SMYD2: variants seen among roughly 807,000 people sequenced by gnomAD.
The protein encoded by SMYD2 is N-lysine methyltransferase SMYD2.
Under a neutral mutation model 59.1 loss-of-function variants are expected in SMYD2, and 53 were observed. The ratio of observed to expected loss-of-function variants is 0.90; its 90% confidence interval spans 0.72 to 1.13. SMYD2 has a LOEUF of 1.13. Among genes scored for constraint, SMYD2 ranks in the 50% most tolerant of loss-of-function variants. SMYD2 has a pLI of 0.00. For missense variants in SMYD2, 494 were observed against 544.7 expected (o/e 0.91, Z 0.93); for synonymous variants, 208 against 198.8 (o/e 1.05, Z -0.39).
rs1278025571 is a variant in SMYD2, at chr1:214,312,927, G to A, written c.238-1835G>A. On this transcript the variant is annotated intron_variant, in intron 2 of 11. Coordinates refer to ENST00000366957, the MANE Select transcript of SMYD2 (RefSeq NM_020197.3). The surrounding 1 kb of genome is among the most constrained non-coding windows in gnomAD (Gnocchi z 4.1). ...AGTCCATGGGAGCAAGGACAGAAGCGGGCATCCAGTTAGAAGGCAGTGGCA... is the reference window on the plus strand; with the variant it reads ...AGTCCATGGGAGCAAGGACAGAAGCAGGCATCCAGTTAGAAGGCAGTGGCA... Among the ~76,000 whole-genome samples, 2 of 152,166 alleles carry A rather than the reference G, an allele frequency of 1.3e-5. No individual in the cohort carries two copies. The highest frequency in any genetic ancestry group is 4.8e-5 in the African/African-American group (2 of 41,438).
chr1:214,308,775 G>T (rs1656954839), intron 2 of SMYD2, among the ~76,000 whole-genome samples: 1 of 152,152 alleles, frequency 6.6e-6, no homozygotes. Flanking sequence ...AAGTGGTTGG[G>T]TGACCCAAGA....
In SMYD2 at chr1:214,281,360, T is replaced by G; in HGVS notation, c.106T>G (p.Cys36Gly). The change falls in exon 1 of 12, where the codon TGC becomes GGC. Residue 36 changes from cysteine to glycine, a missense_variant. Cys to Gly is a radical substitution (Grantham distance 159). Coordinates refer to ENST00000366957, the MANE Select transcript of SMYD2 (RefSeq NM_020197.3). ...CCAGGTGGGGGACTTGCTGTTCTCC[T>G]GCCCGGCCTATGCCTACGTGCTCAC... is the stretch of plus-strand genomic sequence containing the variant. ...PFQVGDLLFS[C>G]PAYAYVLTVN... 6.9e-7 allele frequency: 1 copy of G among 1,456,102 alleles called. No homozygotes were observed. The allele number at this position is 1,456,102 out of a possible 1,614,324, so 90.2% of individuals were successfully genotyped here.
chr1:214,307,087 C>T (rs1236114204), intron 2 of SMYD2, among the ~76,000 whole-genome samples: 1 of 152,212 alleles, frequency 6.6e-6, no homozygotes, highest in Non-Finnish European at 1.5e-5. Context: ...GCTGGAGAAT[C>T]TCTTGAACCT....
chr1:214,289,930 G>C, intron 1 of SMYD2, among the ~76,000 whole-genome samples: 1 of 152,216 alleles, frequency 6.6e-6, no homozygotes, highest in East Asian at 1.9e-4. Context: ...GGATTTCTAG[G>C]AAATCTGCAG....
At chr1:214,291,886 C>T (rs1656641305) in intron 1 of SMYD2, among the ~76,000 whole-genome samples, 1 of 152,050 alleles carries the variant, frequency 6.6e-6, no homozygotes, top group African/African-American at 2.4e-5. Context: ...TACCCATACA[C>T]CTGAGTAAAT....
At position 214,318,166 on chromosome 1, in the gene SMYD2, A is replaced by T. The variant is rs1334339459; in HGVS notation, c.409+27A>T. On this transcript the variant is annotated intron_variant, in intron 4 of 11. Coordinates refer to ENST00000366957, the MANE Select transcript of SMYD2 (RefSeq NM_020197.3). The surrounding 1 kb of genome is among the most constrained non-coding windows in gnomAD (Gnocchi z 5.4). ...TAAGTCTTTCTGTGACCAGCCGCGC[A>T]GTTCTCTCAGCCACAGATTTCACAT... The T allele has an allele frequency of 2.5e-6, 4 of 1,608,636 alleles. No homozygotes were observed. The highest frequency in any genetic ancestry group is 3.4e-6 in the Non-Finnish European group (4 of 1,176,576).
chr1:214,330,473 T>C (rs1164811180), intron 8 of SMYD2, among the ~76,000 whole-genome samples, 195 bp downstream of exon 8: 2 of 152,284 alleles, frequency 1.3e-5, no homozygotes, highest in African/African-American at 4.8e-5. Flanking sequence ...AAAGAAAACA[T>C]TTCCATTACA....
At chr1:214,308,212 G>A (rs1306519058) in intron 2 of SMYD2, among the ~76,000 whole-genome samples, 1 of 152,144 alleles carries the variant, frequency 6.6e-6, no homozygotes, top group Non-Finnish European at 1.5e-5. Context: ...GAAGTCTCTT[G>A]TTTCTAGAGG....
intron 1 of SMYD2, 61 bp from the exon 2 acceptor site, chr1:214,305,125 TA>T (rs1269343446): frequency 1.6e-5 from 25 of 1,524,724 alleles, no homozygotes; most frequent in Non-Finnish European, 2.2e-5. Flanking sequence ...TGTTGCATGA[TA>T]AAATGTACAG....
chr1:214,332,921 A>C (rs757116948), intron 10 of SMYD2: 5 of 152,196 alleles, frequency 3.3e-5, no homozygotes, highest in Admixed American at 6.5e-5. Context: ...AAGTGGGCCA[A>C]GTGAATCAGG....
rs1656438057 is a variant in SMYD2 at position 214,281,327 on chromosome 1, C to T, written c.73C>T (p.Gln25Ter). The change falls in exon 1 of 12, where the codon CAG becomes TAG. Residue 25 changes from glutamine (Q) to a stop codon, truncating the protein, a stop_gained. Transcript: ENST00000366957. LOFTEE classifies it high-confidence loss of function. ...PGKGRGLRAL[Q>*]PFQVGDLLFS... Reference sequence around the variant, plus strand: ...CAAAGGCCGGGGGCTGCGGGCTCTGCAGCCCTTCCAGGTGGGGGACTTGCT... The same window carrying T: ...CAAAGGCCGGGGGCTGCGGGCTCTGTAGCCCTTCCAGGTGGGGGACTTGCT... 2 of 1,433,246 alleles carry T rather than the reference C, an allele frequency of 1.4e-6. No homozygotes were observed. Among genetic ancestry groups the T allele is most frequent in the Non-Finnish European group, 9.2e-7 (1 of 1,084,564 alleles). The allele number at this position is 1,433,246 out of a possible 1,614,324, so 88.8% of individuals were successfully genotyped here.
rs570678898 is a variant in SMYD2 at position 214,302,808 on chromosome 1, A to G, written c.174-2379A>G. ...GCAAACAAGTGTTGGTTTCAGGTTA[A>G]CTTTACTACTGGTTTCTGTGCAAGA... On this transcript the variant is annotated intron_variant, in intron 1 of 11. Coordinates refer to ENST00000366957, the MANE Select transcript of SMYD2 (RefSeq NM_020197.3). Among the ~76,000 whole-genome samples the G allele has an allele frequency of 5.3e-5, 8 of 152,310 alleles. No homozygotes were observed. The South Asian group carries it at 1.2e-3, about 24-fold the overall frequency.
chr1:214,289,639 A>ATG (rs1656605105), intron 1 of SMYD2, among the ~76,000 whole-genome samples: 2 of 152,274 alleles, frequency 1.3e-5, no homozygotes, highest in Middle Eastern at 3.4e-3. Context: ...CTTTGAATAC[A>ATG]TGTGTATGTG....
intron 1 of SMYD2, among the ~76,000 whole-genome samples, chr1:214,301,255 A>G (rs948679951): frequency 6.6e-6 from 1 of 152,192 alleles, no homozygotes; most frequent in African/African-American, 2.4e-5. Context: ...GGGTATTTCG[A>G]TACCCTTCTC....
chr1:214,313,604 C>G (rs75672609), intron 2 of SMYD2, among the ~76,000 whole-genome samples: 4,339 of 152,056 alleles, frequency 0.029, 105 homozygotes, highest in East Asian at 0.1. Context: ...CATTTCTTAC[C>G]CCATCATCCC....
chr1:214,330,861 G>A (rs1030297060), intron 8 of SMYD2, 89 bp from the exon 9 acceptor site: 1 of 1,588,826 alleles, frequency 6.3e-7, no homozygotes, highest in African/African-American at 1.3e-5. Flanking sequence ...GTCGACCGCT[G>A]TGTGGGAATG....
chr1:214,304,085 C>T (rs189972580), intron 1 of SMYD2, among the ~76,000 whole-genome samples: 24 of 152,340 alleles, frequency 1.6e-4, no homozygotes, highest in Admixed American at 2.6e-4. Context: ...ACAATACACA[C>T]GCGAGCACCT....
chr1:214,313,123 A>ATT (rs201592361), intron 2 of SMYD2, among the ~76,000 whole-genome samples: 1 of 151,534 alleles, frequency 6.6e-6, no homozygotes, highest in African/African-American at 2.4e-5. Context: ...CTGAGCATTT[A>ATT]TTTTTATTTT....
rs563507069 is a variant in SMYD2 at position 214,312,243 on chromosome 1, T to G, written c.238-2519T>G. Among the ~76,000 whole-genome samples, 1 of 152,154 alleles carries G rather than the reference T, an allele frequency of 6.6e-6. No homozygotes were observed. Among genetic ancestry groups the G allele is most frequent in the Non-Finnish European group, 1.5e-5 (1 of 68,034 alleles). ...CCATAGACTGCATTAAATCATTAAGTGACATTATGTGCTTCCTTCTTGGGG... is the reference window on the plus strand; with the variant it reads ...CCATAGACTGCATTAAATCATTAAGGGACATTATGTGCTTCCTTCTTGGGG... On this transcript the variant is annotated intron_variant, in intron 2 of 11. Coordinates refer to ENST00000366957, the MANE Select transcript of SMYD2 (RefSeq NM_020197.3). The surrounding 1 kb of genome is among the most constrained non-coding windows in gnomAD (Gnocchi z 4.1).
Sources: allele counts gnomAD v4.1 joint callset (sites outside exome capture counted in the v4.1 genomes callset), GRCh38; gene constraint gnomAD v4.1.1; non-coding constraint Gnocchi (gnomAD v3.1); transcripts MANE v1.5; gene names NCBI Gene and HGNC (gene_info 2026-07-23, HGNC 2026-07-21).